The following TEKT5 variants were observed in gnomAD, a reference collection of about 807,000 sequenced individuals.
TEKT5 encodes the protein tektin 5.
Under a neutral mutation model 48.7 loss-of-function variants are expected in TEKT5, and 52 were observed. The observed-to-expected ratio is 1.07, with a 90% CI of 0.86 to 1.35. The LOEUF is 1.35. TEKT5 is among the 40% of genes most tolerant of loss of function. TEKT5 has a pLI of 0.00. For missense variants in TEKT5, 831 were observed against 641.6 expected (o/e 1.30, Z -3.19); for synonymous variants, 318 against 267.6 (o/e 1.19, Z -1.84).
chr16:10,679,412 G>A (rs1380487715), intron 4 of TEKT5, among the ~76,000 whole-genome samples: 1 of 149,642 alleles, frequency 6.7e-6, no homozygotes, highest in Non-Finnish European at 1.5e-5. Context: ...AGCCGAGATT[G>A]TGCCACTGCG....
rs192611739 is a variant in TEKT5, at chr16:10,683,465, G to A, written c.720-1329C>T. ...AGCCAGGAGGGCTGGTTGGTATCTC[G>A]GCTAAGAAGCTTAGACTTAAAGATT... On this transcript the variant is annotated intron_variant, in intron 3 of 6. Transcript: ENST00000283025. Among the ~76,000 whole-genome samples, 188 of 152,264 alleles carry A rather than the reference G, an allele frequency of 1.2e-3. 1 individual carries two copies. Among genetic ancestry groups the A allele is most frequent in the African/African-American group, 4.3e-3 (178 of 41,524 alleles).
intron 5 of TEKT5, among the ~76,000 whole-genome samples, chr16:10,656,310 G>A (rs1024561282): frequency 1.3e-5 from 2 of 152,162 alleles, no homozygotes; most frequent in South Asian, 4.1e-4. Context: ...GGAATGCAGT[G>A]GCGTGATGTC....
At chr16:10,653,885 C>T (rs1194847209) in intron 5 of TEKT5, among the ~76,000 whole-genome samples, 1 of 152,104 alleles carries the variant, frequency 6.6e-6, no homozygotes. Flanking sequence ...TGCACTCCAG[C>T]CTGGGCAATA....
chr16:10,631,290 G>A (rs1219963628), intron 6 of TEKT5, among the ~76,000 whole-genome samples: 7 of 122,562 alleles, frequency 5.7e-5, no homozygotes, highest in Admixed American at 9.7e-5. Context: ...GAGAGAGAGA[G>A]AAAAGCACAT....
intron 5 of TEKT5, among the ~76,000 whole-genome samples, chr16:10,654,439 C>T (rs771844508): frequency 6.6e-6 from 1 of 152,124 alleles, no homozygotes; most frequent in Non-Finnish European, 1.5e-5. Flanking sequence ...GCTGGTAAAC[C>T]ATTATTTTGA....
chr16:10,650,990 C>T (rs1207536709), intron 5 of TEKT5, among the ~76,000 whole-genome samples: 1 of 152,096 alleles, frequency 6.6e-6, no homozygotes, highest in East Asian at 1.9e-4. Context: ...AGGAATGGGA[C>T]TCCCAATGCC....
rs550300454 is a variant in TEKT5, at chr16:10,663,342, A to C, written c.1086+12617T>G. Among the ~76,000 whole-genome samples the C allele has an allele frequency of 5.9e-5, 9 of 152,320 alleles. No individual in the cohort carries two copies. In the East Asian group the frequency reaches 1.2e-3, roughly 20 times the overall value. Reference sequence around the variant, plus strand: ...AATTATTTTTGATGTGGAAGGAAAAAAATGGATTTAGTAGTTCCAGCCAGC... The same window carrying C: ...AATTATTTTTGATGTGGAAGGAAAACAATGGATTTAGTAGTTCCAGCCAGC... On this transcript the variant is annotated intron_variant, in intron 5 of 6. Transcript: ENST00000283025.
At chr16:10,685,282 G>A (rs781515540) in intron 3 of TEKT5, among the ~76,000 whole-genome samples, 45 of 152,036 alleles carry the variant, frequency 3.0e-4, no homozygotes, top group Non-Finnish European at 5.4e-4. Flanking sequence ...CCAAGCTCAA[G>A]CATCTCCCTC....
chr16:10,672,607 C>T (rs1278134477), intron 5 of TEKT5, among the ~76,000 whole-genome samples: 1 of 152,082 alleles, frequency 6.6e-6, no homozygotes, highest in African/African-American at 2.4e-5. Flanking sequence ...AAAACCACCT[C>T]AACATTGTAG....
Position 10,635,189 on chromosome 16 carries a change from C to T in TEKT5, c.1241+575G>A, listed in dbSNP as rs984832679. 5.4e-5 allele frequency among the ~76,000 whole-genome samples: 7 copies of T among 129,728 alleles called. No homozygotes were observed. In the East Asian group the frequency reaches 2.0e-3, roughly 36 times the overall value. The allele number at this position is 129,728 out of a possible 152,430, so 85.1% of individuals were successfully genotyped here. A position where few individuals can be genotyped will look rare whatever the true frequency, so the allele number is the denominator to read the frequency against. ...ATTACAATCCCCACCCCCCACCCCC[C>T]ACAAACCTCCTTTCTGGGCTGGCAT... On this transcript the variant is annotated intron_variant, in intron 6 of 6. Transcript: ENST00000283025.
intron 6 of TEKT5, among the ~76,000 whole-genome samples, chr16:10,635,070 T>G (rs779182412): frequency 2.6e-5 from 4 of 151,886 alleles, no homozygotes; most frequent in Non-Finnish European, 5.9e-5. Context: ...GAGAACAGAG[T>G]GGCCAAGTGG....
chr16:10,676,017 T>C lies in TEKT5; in HGVS notation c.1028A>G (p.Asn343Ser), dbSNP rs770513615. ...RQFTDTNLAF[N>S]ARISEVTDVK... ...ATCCGTCACCTCAGAGATGCGGGCG[T>C]TGAAGGCCAGGTTGGTGTCTGTGAA... The change falls in exon 5 of 7, where the codon AAC becomes AGC. Residue 343 changes from asparagine (N) to serine (S), a missense_variant. Asn to Ser is a conservative substitution (Grantham distance 46). Coordinates refer to ENST00000283025, the MANE Select transcript of TEKT5 (RefSeq NM_144674.2). 1.9e-6 allele frequency: 3 copies of C among 1,614,186 alleles called. No individual in the cohort carries two copies. The highest frequency in any genetic ancestry group is 1.1e-5 in the South Asian group (1 of 91,084).
intron 5 of TEKT5, among the ~76,000 whole-genome samples, chr16:10,647,011 G>A (rs973300590): frequency 9.9e-5 from 15 of 152,270 alleles, no homozygotes; most frequent in Middle Eastern, 3.4e-3. Flanking sequence ...TCAGCCCAGC[G>A]CAGAAGAAAA....
rs77091853 is a variant in TEKT5 at position 10,677,385 on chromosome 16, G to A, written c.864-1204C>T. Reference sequence around the variant, plus strand: ...AGCACTTTGGGAGCCCGAGGCGGGCGGATCACTTGAGGCCAGGAATTTGAG... The same window carrying A: ...AGCACTTTGGGAGCCCGAGGCGGGCAGATCACTTGAGGCCAGGAATTTGAG... On this transcript the variant is annotated intron_variant, in intron 4 of 6. Coordinates refer to ENST00000283025, the MANE Select transcript of TEKT5 (RefSeq NM_144674.2). Among the ~76,000 whole-genome samples the A allele has an allele frequency of 3.4e-5, 5 of 147,318 alleles. 1 individual carries two copies. The East Asian group carries it at 1.0e-3, about 30-fold the overall frequency.
chr16:10,646,932 G>T (rs1233712843), intron 5 of TEKT5, among the ~76,000 whole-genome samples: 1 of 152,206 alleles, frequency 6.6e-6, no homozygotes, highest in Non-Finnish European at 1.5e-5. Context: ...AAGCCCTGGG[G>T]ATTTTCTTCA....
chr16:10,663,351 T>C (rs942599344), intron 5 of TEKT5, among the ~76,000 whole-genome samples: 36 of 152,160 alleles, frequency 2.4e-4, no homozygotes, highest in African/African-American at 8.7e-4. Flanking sequence ...AAAATGGATT[T>C]AGTAGTTCCA....
At chr16:10,663,118 T>A (rs1898402710) in intron 5 of TEKT5, among the ~76,000 whole-genome samples, 1 of 152,064 alleles carries the variant, frequency 6.6e-6, no homozygotes, top group African/African-American at 2.4e-5. Flanking sequence ...TGGCCATGCA[T>A]GGGGTGTGAA....
intron 6 of TEKT5, among the ~76,000 whole-genome samples, chr16:10,633,337 G>C (rs1015689215): frequency 2.6e-5 from 4 of 152,040 alleles, no homozygotes; most frequent in African/African-American, 9.7e-5. Context: ...CTCCAGCCTG[G>C]GCAACAGAGC....
chr16:10,692,857 A>G (rs149314559), intron 1 of TEKT5: 1 of 152,364 alleles, frequency 6.6e-6, no homozygotes, highest in East Asian at 1.9e-4. Flanking sequence ...GGGTGGCAGA[A>G]CAGAGAGAGG....
Sources: gnomAD v4.1 joint callset for allele counts (sites outside exome capture counted in the v4.1 genomes callset) on GRCh38, gnomAD v4.1.1 for gene constraint, MANE v1.5 for transcripts, NCBI Gene and HGNC (gene_info 2026-07-23, HGNC 2026-07-21) for gene names.